The following MGRN1 variants were observed in gnomAD, a reference collection of about 807,000 sequenced individuals.
MGRN1 encodes E3 ubiquitin-protein ligase MGRN1.
In MGRN1, 29 loss-of-function variants were observed where a neutral mutation model predicts 69.2. That is an observed-to-expected ratio of 0.42 (90% CI 0.31 to 0.57). The LOEUF (loss-of-function observed/expected upper bound fraction) is 0.57, where lower values mean the gene tolerates loss of function less well. Among genes scored for constraint, MGRN1 ranks in the 20% least tolerant of loss-of-function variants. The probability of loss-of-function intolerance (pLI) is 0.15; values close to 1 mark genes in which losing one functional copy is unlikely to be tolerated. For synonymous variants in MGRN1, 470 were observed against 344.2 expected (o/e 1.37, Z -4.04); for missense variants, 998 against 796.2 (o/e 1.25, Z -3.05).
intron 11 of MGRN1, 23 bp downstream of exon 11, chr16:4,677,595 G>A (rs748320385): frequency 1.6e-5 from 26 of 1,592,604 alleles, no homozygotes; most frequent in Non-Finnish European, 2.0e-5. Flanking sequence ...TCCTGCCTGC[G>A]GGATGGGCGG....
At chr16:4,638,982 C>T (rs1341219746) in intron 1 of MGRN1, among the ~76,000 whole-genome samples, 2 of 152,172 alleles carry the variant, frequency 1.3e-5, no homozygotes, top group Non-Finnish European at 2.9e-5. Context: ...GCTGACAGTG[C>T]AGGCTCTGGA....
chr16:4,658,066 G>C (rs2078592465), intron 5 of MGRN1, among the ~76,000 whole-genome samples: 1 of 151,714 alleles, frequency 6.6e-6, no homozygotes, highest in Non-Finnish European at 1.5e-5. Flanking sequence ...CTTTTAACCA[G>C]GTCTTTTGTA....
intron 1 of MGRN1, among the ~76,000 whole-genome samples, chr16:4,648,148 C>G (rs2078313562): frequency 6.6e-6 from 1 of 152,200 alleles, no homozygotes; most frequent in South Asian, 2.1e-4. Flanking sequence ...TCCCAGAAGT[C>G]CCTGCAATAC....
intron 16 of MGRN1, among the ~76,000 whole-genome samples, chr16:4,686,100 C>T (rs950336774): frequency 6.6e-6 from 1 of 152,136 alleles, no homozygotes; most frequent in African/African-American, 2.4e-5. Flanking sequence ...CTCTGCCTCC[C>T]AGCTGTGGTT....
intron 5 of MGRN1, among the ~76,000 whole-genome samples, chr16:4,660,561 G>A (rs915406494): frequency 3.3e-5 from 5 of 152,236 alleles, no homozygotes; most frequent in African/African-American, 1.2e-4. Flanking sequence ...TGCTGGCTGC[G>A]CGGATGCATT....
rs1897595421 is a variant in MGRN1 at position 4,625,064 on chromosome 16, C to T, written c.88+16C>T. On this transcript the variant is annotated intron_variant, in intron 1 of 16. Coordinates refer to ENST00000262370, the MANE Select transcript of MGRN1 (RefSeq NM_015246.4). ...CCGAAGTCCGGTGAGCGCCCGGCCC[C>T]AGGCGCGGACTGCTAGGCACGCGCT... The T allele has an allele frequency of 6.5e-7, 1 of 1,529,410 alleles. No homozygotes were observed. Among genetic ancestry groups the T allele is most frequent in the Non-Finnish European group, 8.8e-7 (1 of 1,140,724 alleles). The allele number at this position is 1,529,410 out of a possible 1,614,324, so 94.7% of individuals were successfully genotyped here.
chr16:4,668,419 ACTCATACACG>A (rs1241146213), intron 8 of MGRN1, 107 bp downstream of exon 8: 6 of 1,192,136 alleles, frequency 5.0e-6, no homozygotes, highest in African/African-American at 4.5e-5. Flanking sequence ...ACGCACATAT[ACTCATACACG>A]CTCATACACA....
intron 13 of MGRN1, among the ~76,000 whole-genome samples, chr16:4,682,030 G>A (rs1042240809): frequency 1.3e-5 from 2 of 151,890 alleles, no homozygotes; most frequent in African/African-American, 2.4e-5. Context: ...GCGTGCAGGC[G>A]CATACGTGCT....
intron 10 of MGRN1, among the ~76,000 whole-genome samples, chr16:4,674,621 C>CTTTTCT (rs2079014646): frequency 1.7e-5 from 1 of 59,796 alleles, no homozygotes; most frequent in Non-Finnish European, 3.2e-5. Flanking sequence ...CTTTTCTTTT[C>CTTTTCT]TTTTCTTTTT....
In MGRN1 at chr16:4,689,187, C is replaced by A. The variant is rs1269576606; in HGVS notation, c.*279C>A. On this transcript the variant is annotated 3_prime_UTR_variant, in exon 17 of 17. Coordinates refer to ENST00000262370, the MANE Select transcript of MGRN1 (RefSeq NM_015246.4). ...GTTCCCCAGGGTCCTGTGGGCTGAG[C>A]GGCTGGGGCTGGGGCTGCCCACGTG... The A allele has an allele frequency of 7.5e-6, 3 of 402,534 alleles. No homozygotes were observed. Among genetic ancestry groups the A allele is most frequent in the East Asian group, 8.4e-5 (2 of 23,940 alleles). The allele number at this position is 402,534 out of a possible 1,614,324, so 24.9% of individuals were successfully genotyped here.
chr16:4,670,321 T>C (rs1414285593), intron 8 of MGRN1, among the ~76,000 whole-genome samples: 2 of 152,210 alleles, frequency 1.3e-5, no homozygotes, highest in South Asian at 2.1e-4. Context: ...CAGCTTACTG[T>C]AGCCTCCACC....
intron 16 of MGRN1, among the ~76,000 whole-genome samples, chr16:4,685,048 G>A (rs2141985727): frequency 6.6e-6 from 1 of 152,386 alleles, no homozygotes; most frequent in East Asian, 1.9e-4. Flanking sequence ...CGCAGGTGCA[G>A]GAGCAGGCAC....
At chr16:4,650,560 TGA>T in intron 2 of MGRN1, 77 bp downstream of exon 2, 1 of 1,195,090 alleles carries the variant, frequency 8.4e-7, no homozygotes. Context: ...ATCCCAGCCA[TGA>T]GGGCAAGCAG....
intron 11 of MGRN1, 79 bp downstream of exon 11, chr16:4,677,651 C>T: frequency 6.0e-6 from 8 of 1,331,730 alleles, no homozygotes; most frequent in Non-Finnish European, 8.4e-6. Context: ...CCAGACGGTC[C>T]AGCCAGCAGC....
intron 1 of MGRN1, among the ~76,000 whole-genome samples, chr16:4,645,973 A>G (rs1338181121): frequency 6.6e-6 from 1 of 152,042 alleles, no homozygotes; most frequent in African/African-American, 2.4e-5. Flanking sequence ...AGGAGAGGAG[A>G]AATGACAGTC....
At chr16:4,643,833 A>G (rs963767035) in intron 1 of MGRN1, among the ~76,000 whole-genome samples, 1 of 152,234 alleles carries the variant, frequency 6.6e-6, no homozygotes, top group African/African-American at 2.4e-5. Flanking sequence ...GTTTTTATCA[A>G]TAACAAGAAG....
intron 5 of MGRN1, among the ~76,000 whole-genome samples, chr16:4,663,391 T>TTTTA (rs150893432): frequency 0.23 from 28,347 of 123,040 alleles, 6,197 homozygotes; most frequent in East Asian, 0.51. Context: ...TTTTTTTTTT[T>TTTTA]ACACCTTTAT....
chr16:4,662,741 C>T (rs1034013442), intron 5 of MGRN1, among the ~76,000 whole-genome samples: 32 of 152,318 alleles, frequency 2.1e-4, no homozygotes, highest in African/African-American at 7.7e-4. Context: ...GGACGTGTGC[C>T]CCTGCCCTGC....
intron 1 of MGRN1, among the ~76,000 whole-genome samples, chr16:4,640,777 C>T (rs182494002): frequency 6.6e-6 from 1 of 152,306 alleles, no homozygotes; most frequent in East Asian, 1.9e-4. Context: ...GCGATGACAC[C>T]ACTGACTCCT....
Sources: gnomAD v4.1 joint callset for allele counts (sites outside exome capture counted in the v4.1 genomes callset) on GRCh38, gnomAD v4.1.1 for gene constraint, MANE v1.5 for transcripts, NCBI Gene and HGNC (gene_info 2026-07-23, HGNC 2026-07-21) for gene names.